The following IL33 variants were observed in gnomAD, a reference collection of about 807,000 sequenced individuals.
IL33 encodes interleukin-33.
In IL33, 37 loss-of-function variants were observed where a neutral mutation model predicts 27.3. That is an observed-to-expected ratio of 1.36 (90% confidence interval 1.04 to 1.78). The LOEUF is 1.78. Ranked by LOEUF, IL33 falls within the 40% of genes most tolerant of loss-of-function variation. IL33 has a pLI of 0.00. For missense variants in IL33, 406 were observed against 311.4 expected (o/e 1.30, Z -2.29); for synonymous variants, 132 against 102.9 (o/e 1.28, Z -1.71).
chr9:6,221,536 A>G lies in IL33; in HGVS notation c.-12+5684A>G, dbSNP rs187657319. 2.6e-5 allele frequency among the ~76,000 whole-genome samples: 4 copies of G among 152,336 alleles called. No individual in the cohort carries two copies. In the East Asian group the frequency reaches 7.7e-4, roughly 29 times the overall value. ...GTCATTTGCACTGTGATGTGACAGAAAAAAATATTTTTAAGTCTTTATATT... is the reference window on the plus strand; with the variant it reads ...GTCATTTGCACTGTGATGTGACAGAGAAAAATATTTTTAAGTCTTTATATT... On this transcript the variant is annotated intron_variant, in intron 1 of 7. Transcript: ENST00000682010.
Position 6,257,728 on chromosome 9 carries a change from G to A in IL33, c.*1560G>A, listed in dbSNP as rs985577572. 3.3e-5 allele frequency: 5 copies of A among 152,104 alleles called. No homozygotes were observed. Among genetic ancestry groups the A allele is most frequent in the African/African-American group, 9.7e-5 (4 of 41,406 alleles). 9.4% of individuals were successfully genotyped at this position (152,104 alleles called of 1,614,324 possible). A position where few individuals can be genotyped will look rare whatever the true frequency, so the allele number is the denominator to read the frequency against. Reference sequence around the variant, plus strand: ...GACCTATTAGATGTAAGTGCTAGTAGAATATAAGATAAAAGAGGCTGAGAA... The same window carrying A: ...GACCTATTAGATGTAAGTGCTAGTAAAATATAAGATAAAAGAGGCTGAGAA... On this transcript the variant is annotated 3_prime_UTR_variant, in exon 8 of 8. Transcript: ENST00000682010.
At chr9:6,246,994 A>G (rs1253097019) in intron 2 of IL33, among the ~76,000 whole-genome samples, 2 of 152,254 alleles carry the variant, frequency 1.3e-5, no homozygotes. Flanking sequence ...ATACACAGAA[A>G]GAGACAGCTA....
chr9:6,222,873 A>T (rs1220331305), intron 1 of IL33, among the ~76,000 whole-genome samples: 1 of 152,102 alleles, frequency 6.6e-6, no homozygotes, highest in Non-Finnish European at 1.5e-5. Context: ...TGACTTTATG[A>T]GTAGAATGTT....
At chr9:6,229,233 G>A (rs901817490) in intron 1 of IL33, among the ~76,000 whole-genome samples, 3 of 152,102 alleles carry the variant, frequency 2.0e-5, no homozygotes, top group African/African-American at 7.2e-5. Context: ...GGGACTTGAG[G>A]GAAAGGAGAA....
chr9:6,245,228 T>A (rs1246302618), intron 2 of IL33, among the ~76,000 whole-genome samples: 2 of 152,204 alleles, frequency 1.3e-5, no homozygotes, highest in Admixed American at 1.3e-4. Flanking sequence ...AACGGTGTTA[T>A]TGATATTTTC....
chr9:6,254,873 G>A (rs1816638740), intron 7 of IL33, among the ~76,000 whole-genome samples: 2 of 152,110 alleles, frequency 1.3e-5, no homozygotes, highest in African/African-American at 4.8e-5. Flanking sequence ...AAATCTCCAG[G>A]AAATTCATAT....
At position 6,256,540 on chromosome 9, in the gene IL33, G is replaced by T; in HGVS notation, c.*372G>T. The stretch of plus-strand genomic sequence containing the variant: ...TAGCTTAAGTCTCTATGTAGACAGG[G>T]ATCCATTTTAAAGAGCTACTTAGAG... On this transcript the variant is annotated 3_prime_UTR_variant, in exon 8 of 8. Coordinates refer to ENST00000682010, the MANE Select transcript of IL33 (RefSeq NM_033439.4). 2.8e-6 allele frequency: 1 copy of T among 363,222 alleles called. No homozygotes were observed. The highest frequency in any genetic ancestry group is 4.9e-6 in the Non-Finnish European group (1 of 202,516). 22.5% of individuals were successfully genotyped at this position (363,222 alleles called of 1,614,324 possible).
At chr9:6,254,036 G>A (rs1478466237) in intron 6 of IL33, among the ~76,000 whole-genome samples, 2 of 152,184 alleles carry the variant, frequency 1.3e-5, no homozygotes, top group African/African-American at 2.4e-5. Flanking sequence ...GTACAACCTA[G>A]AAGTTGCACC....
chr9:6,253,167 G>A (rs760871670), intron 5 of IL33, among the ~76,000 whole-genome samples, 176 bp downstream of exon 5: 2 of 152,106 alleles, frequency 1.3e-5, no homozygotes, highest in Admixed American at 6.6e-5. Context: ...ATGTCAAGAT[G>A]GATTCAGAAG....
intron 1 of IL33, among the ~76,000 whole-genome samples, chr9:6,232,552 A>G (rs1020799908): frequency 2.6e-5 from 4 of 151,888 alleles, no homozygotes; most frequent in African/African-American, 9.7e-5. Flanking sequence ...CAAAAGCACT[A>G]TTTCCTATGA....
chr9:6,225,215 T>C (rs1326632108), intron 1 of IL33, among the ~76,000 whole-genome samples: 1 of 152,206 alleles, frequency 6.6e-6, no homozygotes, highest in Non-Finnish European at 1.5e-5. Context: ...TTCCTGGTGA[T>C]GGGATATTGC....
At chr9:6,233,418 C>T (rs1167823397) in intron 1 of IL33, among the ~76,000 whole-genome samples, 1 of 152,124 alleles carries the variant, frequency 6.6e-6, no homozygotes, top group Non-Finnish European at 1.5e-5. Context: ...AAAGCTGATC[C>T]TTCCACTTGT....
chr9:6,245,223 T>C (rs78726500), intron 2 of IL33, among the ~76,000 whole-genome samples: 1 of 152,146 alleles, frequency 6.6e-6, no homozygotes, highest in Non-Finnish European at 1.5e-5. Flanking sequence ...GATTGAACGG[T>C]GTTATTGATA....
intron 2 of IL33, among the ~76,000 whole-genome samples, chr9:6,245,100 C>G (rs1261742784): frequency 1.3e-5 from 2 of 152,182 alleles, no homozygotes; most frequent in Non-Finnish European, 2.9e-5. Context: ...TCCCCCACAT[C>G]CATCAACACT....
intron 1 of IL33, among the ~76,000 whole-genome samples, chr9:6,238,856 G>A (rs138401156): frequency 1.4e-3 from 219 of 152,280 alleles, no homozygotes; most frequent in African/African-American, 5.0e-3. Context: ...CCCTGATGTC[G>A]AAGCCAGATT....
chr9:6,231,845 G>A (rs1371356389), intron 1 of IL33, among the ~76,000 whole-genome samples: 2 of 152,146 alleles, frequency 1.3e-5, no homozygotes, highest in South Asian at 2.1e-4. Flanking sequence ...TCTTTTCAGA[G>A]AATTTACTCT....
chr9:6,249,525 T>C (rs1430877228), intron 2 of IL33, among the ~76,000 whole-genome samples: 1 of 152,244 alleles, frequency 6.6e-6, no homozygotes, highest in Non-Finnish European at 1.5e-5. Context: ...AATTTTCTTT[T>C]TGAGACTTAG....
chr9:6,232,566 T>G (rs1818976027), intron 1 of IL33, among the ~76,000 whole-genome samples: 1 of 152,156 alleles, frequency 6.6e-6, no homozygotes, highest in African/African-American at 2.4e-5. Context: ...CCTATGATTA[T>G]CTAAAATGTG....
At position 6,256,116 on chromosome 9, in the gene IL33, C is replaced by A; in HGVS notation, c.761C>A (p.Ser254Tyr). ...CATCTTGCTCTGATTAAAGTAGACT[C>A]TTCTGAGAATTTGTGTACTGAAAAT... is the stretch of plus-strand genomic sequence containing the variant. ...DNHLALIKVD[S>Y]SENLCTENIL... The change falls in exon 8 of 8, where the codon TCT (serine) becomes TAT (tyrosine). Residue 254 changes from serine (S) to tyrosine (Y), a missense_variant. Ser to Tyr is a moderately radical substitution (Grantham distance 144). Transcript: ENST00000682010. 1 of 1,613,360 alleles carries A rather than the reference C, an allele frequency of 6.2e-7. No individual in the cohort carries two copies. Among genetic ancestry groups the A allele is most frequent in the Non-Finnish European group, 8.5e-7 (1 of 1,179,482 alleles).
Sources: allele counts gnomAD v4.1 joint callset (sites outside exome capture counted in the v4.1 genomes callset), GRCh38; gene constraint gnomAD v4.1.1; transcripts MANE v1.5; gene names NCBI Gene and HGNC (gene_info 2026-07-23, HGNC 2026-07-21).